ZNF608: variants seen among roughly 807,000 people sequenced by gnomAD.
The protein encoded by ZNF608 is zinc finger protein 608, also known as renal carcinoma antigen NY-REN-36.
ZNF608 carries 12 observed loss-of-function variants against 109.0 expected under a neutral mutation model. The observed-to-expected ratio is 0.11, with a 90% CI of 0.07 to 0.18. The LOEUF is 0.18. Among genes scored for constraint, ZNF608 ranks in the 10% least tolerant of loss-of-function variants. ZNF608 has a pLI of 1.00. For missense variants in ZNF608, 1,707 were observed against 1,879.3 expected, an observed-to-expected ratio of 0.91 and a Z score of 1.70; for synonymous variants, 732 against 717.4, an observed-to-expected ratio of 1.02 and a Z score of -0.33.
At chr5:124,637,944 C>G in intron 9 of ZNF608, 38 bp from the exon 10 acceptor site, 2 of 1,610,158 alleles carry the variant, frequency 1.2e-6, no homozygotes, top group Non-Finnish European at 1.7e-6. Context: ...ACGGTTCTAT[C>G]AACATTTTGT....
In ZNF608 at chr5:124,643,562, TG is replaced by T; in HGVS notation, c.4244del (p.Ala1415AspfsTer60). The T allele has an allele frequency of 6.2e-7, 1 of 1,614,218 alleles. No homozygotes were observed. The highest frequency in any genetic ancestry group is 8.5e-7 in the Non-Finnish European group (1 of 1,180,024). ...VNTKTTTESK[A>X]LDLLQQHANQ... ...TAGCATGCTGCTGGAGCAAATCCAG[TG>T]CTTTAGATTCAGTGGTTGTTTTCGT... On this transcript the variant is annotated frameshift_variant, in exon 7 of 10. Coordinates refer to ENST00000513986, the MANE Select transcript of ZNF608 (RefSeq NM_020747.3). LOFTEE classifies it high-confidence loss of function.
chr5:124,709,917 T>C (rs1055553763), intron 2 of ZNF608, among the ~76,000 whole-genome samples: 2 of 152,262 alleles, frequency 1.3e-5, no homozygotes, highest in African/African-American at 2.4e-5. Context: ...AAAAGTTCCA[T>C]GCAAATTCCA....
At chr5:124,651,956 A>G (rs1045638369) in intron 3 of ZNF608, among the ~76,000 whole-genome samples, 2 of 152,250 alleles carry the variant, frequency 1.3e-5, no homozygotes, top group Non-Finnish European at 1.5e-5. Context: ...CCGGCCGTGC[A>G]GTGAAAGCTT....
intron 3 of ZNF608, among the ~76,000 whole-genome samples, chr5:124,686,116 T>C (rs1194910207): frequency 1.3e-5 from 2 of 152,216 alleles, no homozygotes; most frequent in Non-Finnish European, 2.9e-5. Context: ...AGGGATTCTC[T>C]AGTAACTGGG....
intron 2 of ZNF608, among the ~76,000 whole-genome samples, chr5:124,703,234 C>T (rs1001470170): frequency 2.9e-4 from 44 of 152,064 alleles, no homozygotes; most frequent in African/African-American, 1.1e-3. Flanking sequence ...CAACAGCCTA[C>T]ATTAATACCA....
upstream of ZNF608, chr5:124,748,728 C>T (rs1474707979): frequency 1.3e-5 from 3 of 230,234 alleles, no homozygotes; most frequent in African/African-American, 7.0e-5. Context: ...AAACAAAAAT[C>T]CCCCTGGTGC....
chr5:124,696,953 C>A (rs1752871869), intron 3 of ZNF608, among the ~76,000 whole-genome samples: 1 of 151,926 alleles, frequency 6.6e-6, no homozygotes, highest in African/African-American at 2.4e-5. Context: ...CAAACCAGAC[C>A]AAAATGCCAA....
chr5:124,701,118 T>C lies in ZNF608; in HGVS notation c.1058A>G (p.Asn353Ser), dbSNP rs201318688. ...LLVRTRSVGV[N>S]TCEVGVVTEP... ...TGTCACTACTCCAACTTCACATGTA[T>C]TGACACCCACAGAACGAGTCCGAAC... The change falls in exon 3 of 10, where the codon AAT (asparagine) becomes AGT (serine). Residue 353 changes from asparagine (N) to serine (S), a missense_variant. Around this residue, in one of 7 missense-constraint regions of ZNF608, gnomAD observed 407 missense variants for 398.7 expected, o/e 1.02. Transcript: ENST00000513986. The C allele has an allele frequency of 8.7e-5, 141 of 1,614,156 alleles. No individual in the cohort carries two copies. Among genetic ancestry groups the C allele is most frequent in the Non-Finnish European group, 1.2e-4 (139 of 1,180,022 alleles).
intron 2 of ZNF608, among the ~76,000 whole-genome samples, chr5:124,739,412 A>G (rs1169727403): frequency 6.6e-6 from 1 of 152,240 alleles, no homozygotes; most frequent in Non-Finnish European, 1.5e-5. Context: ...AGTCCACAGC[A>G]ATATCACACA....
At position 124,647,415 on chromosome 5, in the gene ZNF608, T is replaced by C. The variant is rs748621923; in HGVS notation, c.2969A>G (p.Lys990Arg). ...GTGGTAATAGGGAGAATGGGACTCTTTCAGTTGAGATGATTGTGCTGTAGT... is the reference window on the plus strand; with the variant it reads ...GTGGTAATAGGGAGAATGGGACTCTCTCAGTTGAGATGATTGTGCTGTAGT... ...SSTTAQSSQL[K>R]ESHSPYYHSY... The change falls in exon 5 of 10, where the codon AAA (lysine) becomes AGA (arginine). Residue 990 changes from lysine to arginine, a missense_variant. By Grantham distance (26) the Lys-to-Arg change is conservative. Transcript: ENST00000513986. 1 of 1,614,224 alleles carries C rather than the reference T, an allele frequency of 6.2e-7. No homozygotes were observed. The highest frequency in any genetic ancestry group is 8.5e-7 in the Non-Finnish European group (1 of 1,180,032).
At chr5:124,694,086 C>T (rs1247713104) in intron 3 of ZNF608, among the ~76,000 whole-genome samples, 3 of 141,562 alleles carry the variant, frequency 2.1e-5, no homozygotes, top group Non-Finnish European at 4.5e-5. Flanking sequence ...CGCCATTCTC[C>T]TGCCTCAGCC....
intron 2 of ZNF608, among the ~76,000 whole-genome samples, chr5:124,735,846 TAACTC>T (rs910543903): frequency 1.2e-4 from 19 of 152,176 alleles, no homozygotes; most frequent in African/African-American, 3.9e-4. Flanking sequence ...CAATATTACT[TAACTC>T]AAATTACACC....
chr5:124,700,683 T>C (rs1753017108), intron 3 of ZNF608, among the ~76,000 whole-genome samples: 2 of 152,170 alleles, frequency 1.3e-5, no homozygotes, highest in Non-Finnish European at 2.9e-5. Flanking sequence ...CCCTAAGAAT[T>C]AAATAAACTT....
intron 5 of ZNF608, among the ~76,000 whole-genome samples, chr5:124,645,056 A>G (rs546566914): frequency 4.6e-5 from 7 of 152,210 alleles, no homozygotes; most frequent in African/African-American, 1.7e-4. Context: ...TTGCCTTTTA[A>G]TATCTCACAC....
At chr5:124,747,726 A>C (rs1473170505), upstream of ZNF608, among the ~76,000 whole-genome samples, 1 of 152,052 alleles carries the variant, frequency 6.6e-6, no homozygotes, top group Admixed American at 6.5e-5. Context: ...AAGGAGCGAA[A>C]TGTAATGAGC....
rs757730841 is a variant in ZNF608 at position 124,644,462 on chromosome 5, T to G, written c.3905A>C (p.Asp1302Ala). The stretch of plus-strand genomic sequence containing the variant: ...CTTGCTCTCCTCCATTGATTGAGAA[T>G]CAGGATGCTTGGCCTCTTTGGGCTC... ...KEEPKEAKHPDSQSMEESKLK... is the reference protein window; with the variant it reads ...KEEPKEAKHPASQSMEESKLK... Residue 1302 changes from aspartate (D) to alanine (A), a missense_variant, in exon 6 of 10, where the codon GAT becomes GCT. Asp to Ala is a moderately radical substitution (Grantham distance 126). Transcript: ENST00000513986. The G allele has an allele frequency of 1.2e-6, 2 of 1,614,050 alleles. No individual in the cohort carries two copies. The highest frequency in any genetic ancestry group is 1.7e-6 in the Non-Finnish European group (2 of 1,180,040).
In ZNF608 at chr5:124,647,506, A is replaced by C; in HGVS notation, c.2878T>G (p.Ser960Ala). The change falls in exon 5 of 10, where the codon TCA becomes GCA. Residue 960 changes from serine to alanine, a missense_variant. Physicochemically the swap from Ser to Ala is moderately conservative, Grantham distance 99. Around this residue, in one of 7 missense-constraint regions of ZNF608, gnomAD observed 1,073 missense variants for 1,133.5 expected, o/e 0.95. Transcript: ENST00000513986. ...GSDSRSEGMR[S>A]KASSPSDIIS... ...ATATCTGATGGGGAACTGGCCTTTG[A>C]TCTCATACCCTCCGACCTGCTGTCA... 2.5e-6 allele frequency: 4 copies of C among 1,614,126 alleles called. No homozygotes were observed. The highest frequency in any genetic ancestry group is 3.4e-6 in the Non-Finnish European group (4 of 1,180,024).
chr5:124,716,220 T>A (rs139256212), intron 2 of ZNF608, among the ~76,000 whole-genome samples: 325 of 151,720 alleles, frequency 2.1e-3, no homozygotes, highest in African/African-American at 7.6e-3. Context: ...ATGAAGCATC[T>A]ATTTAAATCA....
chr5:124,665,182 A>G (rs557140843), intron 3 of ZNF608, among the ~76,000 whole-genome samples: 1 of 105,050 alleles, frequency 9.5e-6, no homozygotes, highest in Non-Finnish European at 1.9e-5. Flanking sequence ...CCTCCCCCCA[A>G]AAAAAAAAAA....
Sources: allele counts gnomAD v4.1 joint callset (sites outside exome capture counted in the v4.1 genomes callset), GRCh38; gene constraint gnomAD v4.1.1; regional missense constraint gnomAD v4.1.1; transcripts MANE v1.5; gene names NCBI Gene and HGNC (gene_info 2026-07-23, HGNC 2026-07-21).